The following SLC45A4 variants were observed in gnomAD, a reference collection of about 807,000 sequenced individuals.
SLC45A4 encodes the protein solute carrier family 45 member 4.
In SLC45A4, 32 loss-of-function variants were observed where a neutral mutation model predicts 63.7. That is an observed-to-expected ratio of 0.50 (90% CI 0.38 to 0.67). The LOEUF is 0.67. Among genes scored for constraint, SLC45A4 ranks in the 30% least tolerant of loss-of-function variants. The pLI, the probability that SLC45A4 is intolerant of heterozygous loss-of-function variation, is 0.00. For missense variants in SLC45A4, 1,027 were observed against 1,157.7 expected, an observed-to-expected ratio of 0.89 and a Z score of 1.64; for synonymous variants, 535 against 510.0, an observed-to-expected ratio of 1.05 and a Z score of -0.66.
Position 141,212,229 on chromosome 8 carries a change from C to A in SLC45A4, c.2269G>T (p.Gly757Cys). The change falls in exon 8 of 9, where the codon GGC becomes TGC. Residue 757 changes from glycine (G) to cysteine (C), a missense_variant. Transcript: ENST00000517878. Reference sequence around the variant, plus strand: ...TCTGTCTCCACCGGTCCCTGCAGGCCCTCCTTCCGCGTGAGCTTCAGCACG... The same window carrying A: ...TCTGTCTCCACCGGTCCCTGCAGGCACTCCTTCCGCGTGAGCTTCAGCACG... ...PTVLKLTRKE[G>C]LQGPVETESV... 1 of 1,553,462 alleles carries A rather than the reference C, an allele frequency of 6.4e-7. No individual in the cohort carries two copies. The highest frequency in any genetic ancestry group is 8.7e-7 in the Non-Finnish European group (1 of 1,147,458).
At chr8:141,287,022 C>T (rs1327904978) in intron 1 of SLC45A4, among the ~76,000 whole-genome samples, 2 of 152,022 alleles carry the variant, frequency 1.3e-5, no homozygotes, top group Middle Eastern at 3.2e-3. Context: ...CATCTGAGGC[C>T]GACCAAGCAC....
chr8:141,303,043 G>A (rs1437116080), intron 1 of SLC45A4, among the ~76,000 whole-genome samples: 1 of 142,038 alleles, frequency 7.0e-6, no homozygotes, highest in African/African-American at 2.7e-5. Flanking sequence ...TGCCCCAGCT[G>A]GAGTGCAGTG....
At chr8:141,224,452 GGTTTT>G (rs1251484557) in intron 2 of SLC45A4, 1 of 151,866 alleles carries the variant, frequency 6.6e-6, no homozygotes, top group African/African-American at 2.4e-5. Context: ...TGAGTTTTTT[GGTTTT>G]GTTTTGTTTT....
At chr8:141,213,689 C>A (rs959903018) in intron 7 of SLC45A4, among the ~76,000 whole-genome samples, 5 of 152,228 alleles carry the variant, frequency 3.3e-5, no homozygotes, top group African/African-American at 7.2e-5. Flanking sequence ...CAAAGGGCGG[C>A]AGTGAACGCG....
intron 1 of SLC45A4, among the ~76,000 whole-genome samples, chr8:141,296,223 C>T (rs1476916886): frequency 6.6e-6 from 1 of 152,112 alleles, no homozygotes; most frequent in African/African-American, 2.4e-5. Flanking sequence ...CCCAGCTACT[C>T]AGGAGGCTGA....
chr8:141,308,091 CT>C lies in SLC45A4; in HGVS notation c.-401+4del, dbSNP rs1462825629. 6.7e-6 allele frequency: 1 copy of C among 148,866 alleles called. No individual in the cohort carries two copies. Among genetic ancestry groups the C allele is most frequent in the African/African-American group, 2.5e-5 (1 of 40,610 alleles). The allele number at this position is 148,866 out of a possible 1,614,324, so 9.2% of individuals were successfully genotyped here. On this transcript the variant is annotated splice_donor_region_variant and intron_variant, in intron 1 of 8. Coordinates refer to ENST00000517878, the MANE Select transcript of SLC45A4 (RefSeq NM_001286646.2). Reference sequence around the variant, plus strand: ...GCAGGCGGCTGCGGGCGGCAGGCCACTCACCTGTCTCCTCCGGCCGGGGCCG... The same window carrying C: ...GCAGGCGGCTGCGGGCGGCAGGCCACCACCTGTCTCCTCCGGCCGGGGCCG...
chr8:141,293,944 AAAG>A (rs771694880), intron 1 of SLC45A4, among the ~76,000 whole-genome samples: 6,489 of 152,142 alleles, frequency 0.043, 195 homozygotes, highest in Middle Eastern at 0.086. Flanking sequence ...AGAAAAAAAA[AAAG>A]TAAATGTAAA....
rs780186203 is a variant in SLC45A4 at position 141,215,171 on chromosome 8, C to T, written c.1941+588G>A. On this transcript the variant is annotated intron_variant, in intron 7 of 8. Transcript: ENST00000517878. The surrounding 1 kb of genome is among the most constrained non-coding windows in gnomAD (Gnocchi z 4.3). ...AAGAGGCAAGAGTCTGCCTGTGCTG[C>T]GGCTACTGAGCATTTGAGATAAAGC... Among the ~76,000 whole-genome samples, 9 of 152,198 alleles carry T rather than the reference C, an allele frequency of 5.9e-5. No homozygotes were observed. The highest frequency in any genetic ancestry group is 1.9e-4 in the East Asian group (1 of 5,202).
At chr8:141,214,192 C>CAAAAAAAAAAAAAAAAAAA (rs11292288) in intron 7 of SLC45A4, among the ~76,000 whole-genome samples, 1 of 74,334 alleles carries the variant, frequency 1.3e-5, no homozygotes. Context: ...ACTCTGTCTC[C>CAAAAAAAAAAAAAAAAAAA]AAAAAAAAAA....
At chr8:141,281,583 C>T (rs910802424) in intron 1 of SLC45A4, among the ~76,000 whole-genome samples, 11 of 152,192 alleles carry the variant, frequency 7.2e-5, no homozygotes, top group South Asian at 2.1e-4. Context: ...TCAACTAAGG[C>T]GACTTTCTGA....
At chr8:141,283,991 C>T (rs752768804) in intron 1 of SLC45A4, among the ~76,000 whole-genome samples, 8 of 152,238 alleles carry the variant, frequency 5.3e-5, no homozygotes, top group Non-Finnish European at 1.0e-4. Flanking sequence ...AAGCCTGAGA[C>T]GCAAAGTCTT....
intron 2 of SLC45A4, among the ~76,000 whole-genome samples, chr8:141,223,957 T>C: frequency 6.6e-6 from 1 of 152,164 alleles, no homozygotes; most frequent in East Asian, 1.9e-4. Context: ...AAACTCTGAC[T>C]TTTCATCTGA....
In SLC45A4 at chr8:141,210,579, A is replaced by T. The variant is rs1481317515; in HGVS notation, c.*993T>A. 6.6e-6 allele frequency: 1 copy of T among 152,232 alleles called. No homozygotes were observed. Among genetic ancestry groups the T allele is most frequent in the African/African-American group, 2.4e-5 (1 of 41,462 alleles). The allele number at this position is 152,232 out of a possible 1,614,324, so 9.4% of individuals were successfully genotyped here. A position where few individuals can be genotyped will look rare whatever the true frequency, so the allele number is the denominator to read the frequency against. On this transcript the variant is annotated 3_prime_UTR_variant, in exon 9 of 9. Transcript: ENST00000517878. The stretch of plus-strand genomic sequence containing the variant: ...GACACGGCAAGACCAGAGGCCCATC[A>T]AGTACATTAAACAGTCGTTCCTTTA...
In SLC45A4 at chr8:141,300,213, T is replaced by A. The variant is rs1215182437; in HGVS notation, c.-401+7883A>T. ...TACCGATTCCACAGAGTTGGGCGAG[T>A]AGCCTGCTTTCCTCCAACAAAGCTG... On this transcript the variant is annotated intron_variant, in intron 1 of 8. Coordinates refer to ENST00000517878, the MANE Select transcript of SLC45A4 (RefSeq NM_001286646.2). Among the ~76,000 whole-genome samples, 8 of 152,170 alleles carry A rather than the reference T, an allele frequency of 5.3e-5. No individual in the cohort carries two copies. In the East Asian group the frequency reaches 1.5e-3, roughly 29 times the overall value.
intron 1 of SLC45A4, among the ~76,000 whole-genome samples, chr8:141,293,858 T>C (rs1165438124): frequency 6.6e-6 from 1 of 150,404 alleles, no homozygotes; most frequent in Non-Finnish European, 1.5e-5. Context: ...GCTTGAACCT[T>C]GGAGGTGGAG....
chr8:141,213,524 C>A (rs1476943262), intron 7 of SLC45A4, among the ~76,000 whole-genome samples: 2 of 152,204 alleles, frequency 1.3e-5, no homozygotes, highest in African/African-American at 4.8e-5. Flanking sequence ...TTATAAAAAT[C>A]TTTTAAAAGA....
chr8:141,261,456 T>C (rs1829034347), intron 1 of SLC45A4, among the ~76,000 whole-genome samples: 1 of 152,116 alleles, frequency 6.6e-6, no homozygotes, highest in Non-Finnish European at 1.5e-5. Context: ...GATGACATGA[T>C]TGTATATCTA....
chr8:141,284,293 A>G (rs1189483357), intron 1 of SLC45A4, among the ~76,000 whole-genome samples: 4 of 152,160 alleles, frequency 2.6e-5, no homozygotes, highest in Admixed American at 2.6e-4. Context: ...CTCGAGAGCA[A>G]AGAACAGGTG....
chr8:141,282,808 T>C (rs565496694), intron 1 of SLC45A4, among the ~76,000 whole-genome samples: 137 of 152,378 alleles, frequency 9.0e-4, no homozygotes, highest in Non-Finnish European at 1.2e-3. Context: ...TCCGTGGGCC[T>C]GAGCTCAGCT....
Sources: allele counts gnomAD v4.1 joint callset (sites outside exome capture counted in the v4.1 genomes callset), GRCh38; gene constraint gnomAD v4.1.1; non-coding constraint Gnocchi (gnomAD v3.1); transcripts MANE v1.5; gene names NCBI Gene and HGNC (gene_info 2026-07-23, HGNC 2026-07-21).